Variants in EPHA6 observed in about 807,000 individuals in gnomAD.
EPHA6 encodes ephrin type-A receptor 6.
In EPHA6, 50 loss-of-function variants were observed where a neutral mutation model predicts 112.0. The ratio of observed to expected loss-of-function variants is 0.45; its 90% CI spans 0.36 to 0.56. The LOEUF (loss-of-function observed/expected upper bound fraction) is 0.56. Ranked by LOEUF, EPHA6 falls within the 20% of genes least tolerant of loss-of-function variation. The pLI is 0.00. For synonymous variants in EPHA6, 529 were observed against 490.7 expected (o/e 1.08, Z -1.03); for missense variants, 1,280 against 1,417.4 (o/e 0.90, Z 1.56).
intron 11 of EPHA6, among the ~76,000 whole-genome samples, chr3:97,573,412 C>A (rs2093353368): frequency 6.6e-6 from 1 of 152,118 alleles, no homozygotes; most frequent in Non-Finnish European, 1.5e-5. Context: ...TATAATTTGA[C>A]AAGAAGACCA....
intron 14 of EPHA6, among the ~76,000 whole-genome samples, chr3:97,714,988 A>G (rs1191147214): frequency 1.3e-5 from 2 of 152,250 alleles, no homozygotes; most frequent in Non-Finnish European, 2.9e-5. Flanking sequence ...CCTTGGTTTC[A>G]AACCTTTCCA....
intron 11 of EPHA6, among the ~76,000 whole-genome samples, chr3:97,564,414 A>G (rs2093233261): frequency 6.6e-6 from 1 of 152,174 alleles, no homozygotes; most frequent in Non-Finnish European, 1.5e-5. Flanking sequence ...TAAAACTTGT[A>G]AACAGAAAAT....
intron 2 of EPHA6, among the ~76,000 whole-genome samples, chr3:96,882,620 CCCATTCCTGCATT>C (rs1193513992): frequency 6.6e-6 from 1 of 152,116 alleles, no homozygotes; most frequent in Admixed American, 6.5e-5. Flanking sequence ...TGTTTGGTTT[CCCATTCCTGCATT>C]ACTTCACTTA....
chr3:97,480,362 AG>A (rs1272191041), intron 9 of EPHA6, among the ~76,000 whole-genome samples: 14 of 152,186 alleles, frequency 9.2e-5, no homozygotes, highest in African/African-American at 3.4e-4. Flanking sequence ...TGGTTTTCCT[AG>A]GCAGAGGACC....
At chr3:97,333,373 G>A (rs1229779776) in intron 5 of EPHA6, among the ~76,000 whole-genome samples, 2 of 146,992 alleles carry the variant, frequency 1.4e-5, no homozygotes, top group African/African-American at 5.1e-5. Context: ...TTGTTTTTGT[G>A]TTTTGTATAT....
chr3:97,758,841 A>T lies in EPHA6; in HGVS notation c.*10140A>T, dbSNP rs1576411526. On this transcript the variant is annotated 3_prime_UTR_variant, in exon 18 of 18. Coordinates refer to ENST00000389672, the MANE Select transcript of EPHA6 (RefSeq NM_001080448.3). The stretch of plus-strand genomic sequence containing the variant: ...CAGAGGGGGATAGTTAATGAATGAA[A>T]ATTTGGAGTGTTGGAGAGTAGAGAA... Among the ~76,000 whole-genome samples, 1 of 152,044 alleles carries T rather than the reference A, an allele frequency of 6.6e-6. No homozygotes were observed. Among genetic ancestry groups the T allele is most frequent in the East Asian group, 1.9e-4 (1 of 5,156 alleles).
intron 11 of EPHA6, among the ~76,000 whole-genome samples, chr3:97,547,477 T>TG (rs1051884730): frequency 6.6e-6 from 1 of 152,134 alleles, no homozygotes; most frequent in Non-Finnish European, 1.5e-5. Context: ...CCGCCCATAC[T>TG]GGGGGGTGCC....
intron 10 of EPHA6, among the ~76,000 whole-genome samples, chr3:97,485,148 C>T (rs1207921969): frequency 6.6e-6 from 1 of 152,154 alleles, no homozygotes; most frequent in Non-Finnish European, 1.5e-5. Context: ...AGAACAGATG[C>T]AAGCATGGCC....
At chr3:96,829,932 T>A (rs2033914402) in intron 1 of EPHA6, among the ~76,000 whole-genome samples, 1 of 134,760 alleles carries the variant, frequency 7.4e-6, no homozygotes, top group East Asian at 2.3e-4. Context: ...CACATGCACG[T>A]GCATGTGCGC....
chr3:97,417,620 A>C (rs1463709672), intron 6 of EPHA6, among the ~76,000 whole-genome samples: 1 of 152,250 alleles, frequency 6.6e-6, no homozygotes, highest in East Asian at 1.9e-4. Context: ...GTCCAAAAAA[A>C]AAATCTGAGC....
At chr3:97,704,188 C>T (rs937347469) in intron 14 of EPHA6, among the ~76,000 whole-genome samples, 2 of 152,050 alleles carry the variant, frequency 1.3e-5, no homozygotes, top group African/African-American at 4.8e-5. Context: ...ACTTGACTGG[C>T]CTAAGGGATG....
chr3:97,742,010 A>G (rs1253236374), intron 16 of EPHA6, among the ~76,000 whole-genome samples: 1 of 152,136 alleles, frequency 6.6e-6, no homozygotes, highest in African/African-American at 2.4e-5. Context: ...ATTACTTGAA[A>G]AAGGAAAGTA....
At chr3:97,498,496 T>C (rs944285509) in intron 10 of EPHA6, among the ~76,000 whole-genome samples, 4 of 151,632 alleles carry the variant, frequency 2.6e-5, no homozygotes, top group Non-Finnish European at 4.4e-5. Flanking sequence ...AATAAAGGGG[T>C]AGGGAAGAGA....
At chr3:97,312,736 A>G (rs1466038300) in intron 5 of EPHA6, among the ~76,000 whole-genome samples, 1 of 151,226 alleles carries the variant, frequency 6.6e-6, no homozygotes, top group Non-Finnish European at 1.5e-5. Context: ...ATTTATTGAT[A>G]TAATTATACA....
chr3:97,300,402 T>C (rs1410367499), intron 5 of EPHA6, among the ~76,000 whole-genome samples: 1 of 152,182 alleles, frequency 6.6e-6, no homozygotes, highest in Non-Finnish European at 1.5e-5. Flanking sequence ...ATATTACTCT[T>C]GACTTTTTTG....
At chr3:97,157,957 T>A (rs1377467975) in intron 3 of EPHA6, among the ~76,000 whole-genome samples, 1 of 152,144 alleles carries the variant, frequency 6.6e-6, no homozygotes, top group Non-Finnish European at 1.5e-5. Flanking sequence ...CACAAAAAAT[T>A]AATCATCACA....
intron 3 of EPHA6, among the ~76,000 whole-genome samples, chr3:97,018,736 G>C (rs1003859964): frequency 6.6e-6 from 1 of 152,326 alleles, no homozygotes; most frequent in South Asian, 2.1e-4. Flanking sequence ...CCGGATAACC[G>C]CAAGCGAGCT....
chr3:96,973,263 C>T (rs1206212499), intron 2 of EPHA6, among the ~76,000 whole-genome samples: 2 of 152,114 alleles, frequency 1.3e-5, no homozygotes, highest in African/African-American at 4.8e-5. Context: ...CAAATATTCA[C>T]TTCAGATGAT....
chr3:97,504,969 A>C (rs561524976), intron 10 of EPHA6, among the ~76,000 whole-genome samples: 1 of 152,160 alleles, frequency 6.6e-6, no homozygotes, highest in South Asian at 2.1e-4. Context: ...GCTTTTTAAA[A>C]ATATTTTCTT....
Sources: allele counts gnomAD v4.1 joint callset (sites outside exome capture counted in the v4.1 genomes callset), GRCh38; gene constraint gnomAD v4.1.1; transcripts MANE v1.5; gene names NCBI Gene and HGNC (gene_info 2026-07-23, HGNC 2026-07-21).